The following LMNA variants were observed in gnomAD, a reference collection of about 807,000 sequenced individuals.
LMNA encodes lamin A/C.
Under a neutral mutation model 70.4 loss-of-function variants are expected in LMNA, and 20 were observed. The ratio of observed to expected loss-of-function variants is 0.28; its 90% CI spans 0.20 to 0.41. The LOEUF is 0.41. LMNA is among the 10% of genes least tolerant of loss of function. LMNA has a pLI of 1.00. For missense variants in LMNA, 652 were observed against 917.2 expected, an observed-to-expected ratio of 0.71 and a Z score of 3.73; for synonymous variants, 339 against 372.8, an observed-to-expected ratio of 0.91 and a Z score of 1.04.
chr1:156,091,469 G>A (rs57943483), intron 3 of LMNA, among the ~76,000 whole-genome samples: 1 of 152,054 alleles, frequency 6.6e-6, no homozygotes, highest in Admixed American at 6.6e-5. Context: ...GGGCATGGTG[G>A]CGCATACCTG....
At chr1:156,112,595 C>T (rs1250648755), upstream of LMNA, among the ~76,000 whole-genome samples, 1 of 152,186 alleles carries the variant, frequency 6.6e-6, no homozygotes, top group Non-Finnish European at 1.5e-5. Context: ...AAGAACAAGA[C>T]TTTTTATTGT....
At chr1:156,116,497 G>T (rs573937564) in intron 1 of LMNA, among the ~76,000 whole-genome samples, 1 of 152,286 alleles carries the variant, frequency 6.6e-6, no homozygotes, top group South Asian at 2.1e-4. Flanking sequence ...CACTAAGGGT[G>T]CTTGGAGATC....
chr1:156,122,706 C>T (rs550722445), intron 1 of LMNA, among the ~76,000 whole-genome samples: 9 of 152,258 alleles, frequency 5.9e-5, no homozygotes, highest in Admixed American at 1.3e-4. Context: ...GGGGCTAGGG[C>T]GAAGGCCTAG....
rs1263926028 is a variant in LMNA, at chr1:156,135,948, C to T, written c.984C>T (p.Ala328=). 1 of 1,613,800 alleles carries T rather than the reference C, an allele frequency of 6.2e-7. No homozygotes were observed. Among genetic ancestry groups the T allele is most frequent in the Non-Finnish European group, 8.5e-7 (1 of 1,180,004 alleles). The change falls in exon 6 of 12, where the codon GCC becomes GCT. Residue 328 remains alanine, a synonymous_variant. Coordinates refer to ENST00000368300, the MANE Select transcript of LMNA (RefSeq NM_170707.4). The surrounding 1 kb of genome is among the most constrained non-coding windows in gnomAD (Gnocchi z 4.8). ...AKLRDLEDSL[A]RERDTSRRLL... is the part of the protein sequence containing the mutation. ...TTCGAGACCTGGAGGACTCACTGGCCCGTGAGCGGGACACCAGCCGGCGGC... is the reference window on the plus strand; with the variant it reads ...TTCGAGACCTGGAGGACTCACTGGCTCGTGAGCGGGACACCAGCCGGCGGC...
intron 2 of LMNA, among the ~76,000 whole-genome samples, chr1:156,084,009 A>C (rs1424886186): frequency 6.6e-6 from 1 of 152,130 alleles, no homozygotes; most frequent in Non-Finnish European, 1.5e-5. Context: ...CAAGGGAAGA[A>C]GGGATGGCAC....
intron 3 of LMNA, among the ~76,000 whole-genome samples, chr1:156,105,385 C>T (rs1002617520): frequency 1.7e-5 from 2 of 121,178 alleles, no homozygotes; most frequent in African/African-American, 4.2e-5. Context: ...TCCCACAGGG[C>T]GGAGACCCCA....
In LMNA at chr1:156,135,246, G is replaced by A. The variant is rs747275587; in HGVS notation, c.870G>A (p.Glu290=). Residue 290 remains glutamate, a synonymous_variant, in exon 5 of 12, where the codon GAG becomes GAA. Coordinates refer to ENST00000368300, the MANE Select transcript of LMNA (RefSeq NM_170707.4). This position sits in a 1 kb window ranked among gnomAD's most constrained non-coding sequence, Gnocchi z 4.8. ...RNSNLVGAAH[E]ELQQSRIRID... ...GCAACCTGGTGGGGGCTGCCCACGA[G>A]GAGCTGCAGCAGTCGCGCATCCGCA... 8.1e-6 allele frequency: 13 copies of A among 1,613,778 alleles called. No homozygotes were observed. In the Middle Eastern group the frequency reaches 4.9e-4, roughly 61 times the overall value.
chr1:156,137,014 G>C lies in LMNA; in HGVS notation c.1474G>C (p.Gly492Arg), dbSNP rs373480082. ...CCCACCAAAGTTCACCCTGAAGGCTGGGCAGGTGGTGACGGTGAGTGGCAG... is the reference window on the plus strand; with the variant it reads ...CCCACCAAAGTTCACCCTGAAGGCTCGGCAGGTGGTGACGGTGAGTGGCAG... ...RFPPKFTLKA[G>R]QVVTIWAAGA... The change falls in exon 8 of 12, where the codon GGG becomes CGG. Residue 492 changes from glycine (G) to arginine (R), a missense_variant. This residue lies in a region of LMNA where 327 missense variants were observed against 387.6 expected (regional missense o/e 0.84). Transcript: ENST00000368300. This position sits in a 1 kb window ranked among gnomAD's most constrained non-coding sequence, Gnocchi z 4.6. 1.2e-6 allele frequency: 2 copies of C among 1,614,102 alleles called. No individual in the cohort carries two copies. The highest frequency in any genetic ancestry group is 2.7e-5 in the African/African-American group (2 of 74,926).
At chr1:156,116,657 C>G (rs1410879866) in intron 1 of LMNA, among the ~76,000 whole-genome samples, 1 of 152,202 alleles carries the variant, frequency 6.6e-6, no homozygotes, top group African/African-American at 2.4e-5. Context: ...CTCCGCCTCC[C>G]AGGTTCAAGT....
intron 2 of LMNA, among the ~76,000 whole-genome samples, chr1:156,088,970 AATTT>A (rs1648589296): frequency 6.6e-6 from 1 of 152,004 alleles, no homozygotes; most frequent in Admixed American, 6.6e-5. Flanking sequence ...TTTATTGATT[AATTT>A]ATTTGTTTGT....
intron 3 of LMNA, among the ~76,000 whole-genome samples, chr1:156,095,381 A>G (rs1648896446): frequency 6.6e-6 from 1 of 152,076 alleles, no homozygotes; most frequent in African/African-American, 2.4e-5. Flanking sequence ...GAATGAAAGG[A>G]ATAAAATGAC....
rs200317083 is a variant in LMNA, at chr1:156,139,303, C to CA, written c.*211dup. On this transcript the variant is annotated 3_prime_UTR_variant, in exon 12 of 12. Coordinates refer to ENST00000368300, the MANE Select transcript of LMNA (RefSeq NM_170707.4). ...TTTTATACTGAAGGAAAAACACAAG[C>CA]AAAAAAAAAAAAAAGCATCTATCTC... The CA allele has an allele frequency of 0.071, 88,996 of 1,246,294 alleles. 1,734 individuals carry two copies. The highest frequency in any genetic ancestry group is 0.27 in the African/African-American group (16,307 of 60,226). The allele number at this position is 1,246,294 out of a possible 1,614,324, so 77.2% of individuals were successfully genotyped here.
chr1:156,110,892 C>G (rs1414954362), upstream of LMNA, among the ~76,000 whole-genome samples: 1 of 152,062 alleles, frequency 6.6e-6, no homozygotes, highest in Non-Finnish European at 1.5e-5. Context: ...AGGCAAATCG[C>G]TTGAACATGG....
Position 156,115,394 on chromosome 1 carries a change from C to T in LMNA, c.356+120C>T. ...TGGAGGCCGATAACTTTGCCATAGT[C>T]TCCTCCCTCCCCGGAACTGCCCCCA... On this transcript the variant is annotated intron_variant, in intron 1 of 11. Coordinates refer to ENST00000368300, the MANE Select transcript of LMNA (RefSeq NM_170707.4). The surrounding 1 kb of genome is among the most constrained non-coding windows in gnomAD (Gnocchi z 5.8). 3.4e-6 allele frequency: 3 copies of T among 884,282 alleles called. No homozygotes were observed. Among genetic ancestry groups the T allele is most frequent in the Non-Finnish European group, 5.4e-6 (3 of 555,148 alleles). 54.8% of individuals were successfully genotyped at this position (884,282 alleles called of 1,614,324 possible).
chr1:156,098,173 ATCTAT>A (rs1305920340), intron 3 of LMNA, among the ~76,000 whole-genome samples: 1 of 152,146 alleles, frequency 6.6e-6, no homozygotes, highest in East Asian at 1.9e-4. Flanking sequence ...GGCCCTCATC[ATCTAT>A]TCCCTTGTAG....
At chr1:156,108,634 C>T (rs377519605) in intron 3 of LMNA, among the ~76,000 whole-genome samples, 7 of 151,940 alleles carry the variant, frequency 4.6e-5, no homozygotes, top group African/African-American at 1.2e-4. Context: ...TTTTTAGTGG[C>T]GCATGGTTGT....
rs1553259232 is a variant in LMNA, at chr1:156,084,328, C to CGGTG, written c.-319+1146_-319+1147insTGGG. 4.4e-5 allele frequency among the ~76,000 whole-genome samples: 4 copies of CGGTG among 91,052 alleles called. No individual in the cohort carries two copies. The South Asian group carries it at 1.5e-3, about 34-fold the overall frequency. The allele number at this position is 91,052 out of a possible 152,430, so 59.7% of individuals were successfully genotyped here. A position where few individuals can be genotyped will look rare whatever the true frequency, so the allele number is the denominator to read the frequency against. Reference sequence around the variant, plus strand: ...ACCTGAGCTGAGGATCTCAGAAGGTCGGGGGGTGGTGGGGGCAGTTGGCAC... The same window carrying CGGTG: ...ACCTGAGCTGAGGATCTCAGAAGGTCGGTGGGGGGGTGGTGGGGGCAGTTGGCAC... On this transcript the variant is annotated intron_variant, in intron 2 of 12. Coordinates refer to the LMNA transcript ENST00000368301.
intron 2 of LMNA, among the ~76,000 whole-genome samples, chr1:156,085,575 C>T (rs542968341): frequency 6.6e-6 from 1 of 152,218 alleles, no homozygotes; most frequent in Non-Finnish European, 1.5e-5. Context: ...TGCCCAGAAC[C>T]TAGCATGCAG....
chr1:156,110,319 AT>A (rs547889871), upstream of LMNA, among the ~76,000 whole-genome samples: 105 of 152,302 alleles, frequency 6.9e-4, no homozygotes, highest in African/African-American at 2.5e-3. Flanking sequence ...AGTTCCTGGT[AT>A]ATAGTAGATG....
Sources: allele counts gnomAD v4.1 joint callset (sites outside exome capture counted in the v4.1 genomes callset), GRCh38; gene constraint gnomAD v4.1.1; regional missense constraint gnomAD v4.1.1; non-coding constraint Gnocchi (gnomAD v3.1); transcripts MANE v1.5; gene names NCBI Gene and HGNC (gene_info 2026-07-23, HGNC 2026-07-21).